Variants in FYB1 observed in about 807,000 individuals in gnomAD.
The protein encoded by FYB1 is FYN binding protein 1, also known as FYN-binding protein 1.
A neutral mutation model predicts 94.1 loss-of-function variants in FYB1; 41 were observed. The observed-to-expected ratio is 0.44, with a 90% CI of 0.34 to 0.57. FYB1 has a LOEUF of 0.57. Ranked by LOEUF, FYB1 falls within the 20% of genes least tolerant of loss-of-function variation. FYB1 has a pLI of 0.02. For synonymous variants in FYB1, 367 were observed against 353.2 expected, an observed-to-expected ratio of 1.04 and a Z score of -0.44; for missense variants, 1,050 against 976.8, an observed-to-expected ratio of 1.07 and a Z score of -1.00.
chr5:39,233,361 G>T (rs1750829253), intron 1 of FYB1, among the ~76,000 whole-genome samples: 1 of 152,036 alleles, frequency 6.6e-6, no homozygotes, highest in African/African-American at 2.4e-5. Flanking sequence ...AGTTCTATTG[G>T]CTTTATTCTT....
intron 1 of FYB1, among the ~76,000 whole-genome samples, chr5:39,215,132 T>C (rs1280258210): frequency 1.3e-5 from 2 of 152,324 alleles, no homozygotes; most frequent in South Asian, 4.1e-4. Context: ...ACAATGCGAA[T>C]GTATGTAATG....
chr5:39,158,732 G>A (rs926383679), intron 2 of FYB1, among the ~76,000 whole-genome samples: 3 of 152,068 alleles, frequency 2.0e-5, no homozygotes, highest in Non-Finnish European at 2.9e-5. Flanking sequence ...TTCATGTCCC[G>A]AGGGGCATAA....
At chr5:39,187,899 A>G (rs1424727033) in intron 2 of FYB1, among the ~76,000 whole-genome samples, 1 of 152,150 alleles carries the variant, frequency 6.6e-6, no homozygotes, top group East Asian at 1.9e-4. Context: ...ACTGTGTGGA[A>G]CAAACCTCAA....
chr5:39,209,204 C>T (rs896696544), intron 1 of FYB1, among the ~76,000 whole-genome samples: 1 of 152,174 alleles, frequency 6.6e-6, no homozygotes, highest in African/African-American at 2.4e-5. Context: ...TAAGAGTTAA[C>T]GGTTGCTGGC....
rs1203813673 is a variant in FYB1, at chr5:39,106,817, C to T, written c.*626G>A. The T allele has an allele frequency of 6.6e-6, 1 of 152,038 alleles. No individual in the cohort carries two copies. The highest frequency in any genetic ancestry group is 6.6e-5 in the Admixed American group (1 of 15,256). 9.4% of individuals were successfully genotyped at this position (152,038 alleles called of 1,614,324 possible). ...TTCAATGTGCATACTAAATGCATAA[C>T]ATTCGTATCAAATAATTAACATTTA... On this transcript the variant is annotated 3_prime_UTR_variant, in exon 19 of 19. Transcript: ENST00000512982.
chr5:39,191,773 AG>A (rs1279087588), intron 2 of FYB1, among the ~76,000 whole-genome samples: 1 of 152,212 alleles, frequency 6.6e-6, no homozygotes, highest in African/African-American at 2.4e-5. Flanking sequence ...TGGACTTTAA[AG>A]CCACGCCATA....
At chr5:39,134,150 A>G in intron 9 of FYB1, 58 bp downstream of exon 9, 4 of 1,358,548 alleles carry the variant, frequency 2.9e-6, no homozygotes, top group Non-Finnish European at 4.0e-6. Context: ...ATCTTAATAT[A>G]CAAAATTTCT....
intron 1 of FYB1, 112 bp from the exon 2 acceptor site, chr5:39,203,099 G>T: frequency 1.2e-6 from 1 of 853,870 alleles, no homozygotes; most frequent in Non-Finnish European, 1.8e-6. Flanking sequence ...GTTGCTGATT[G>T]GTTAGCAAGA....
At chr5:39,258,973 T>C (rs543356588) in intron 1 of FYB1, among the ~76,000 whole-genome samples, 1 of 152,222 alleles carries the variant, frequency 6.6e-6, no homozygotes, top group African/African-American at 2.4e-5. Context: ...GAGACATGCT[T>C]TTCCCTCCTC....
chr5:39,107,644 G>A (rs1487818462), intron 18 of FYB1, among the ~76,000 whole-genome samples, 179 bp from the exon 19 acceptor site: 2 of 151,774 alleles, frequency 1.3e-5, no homozygotes, highest in Non-Finnish European at 2.9e-5. Context: ...TTATTATTTA[G>A]TATATAATTC....
At chr5:39,269,877 T>A (rs1752598736) in intron 1 of FYB1, 1 of 152,170 alleles carries the variant, frequency 6.6e-6, no homozygotes, top group Non-Finnish European at 1.5e-5. Context: ...TGAGAGCATA[T>A]GAACACCACA....
At position 39,110,358 on chromosome 5, in the gene FYB1, G is replaced by T; in HGVS notation, c.2433C>A (p.Asp811Glu). 1 of 1,592,626 alleles carries T rather than the reference G, an allele frequency of 6.3e-7. No homozygotes were observed. The highest frequency in any genetic ancestry group is 1.1e-5 in the South Asian group (1 of 87,546). The change falls in exon 17 of 19, where the codon GAC (aspartate) becomes GAA (glutamate). Residue 811 changes from aspartate to glutamate, a missense_variant and splice_region_variant. Transcript: ENST00000512982. Reference sequence around the variant, plus strand: ...GTAGTAGAAGAAAATGGGCTTACTTGTCCGCTAGGTAACTCCGAAGGACAT... The same window carrying T: ...GTAGTAGAAGAAAATGGGCTTACTTTTCCGCTAGGTAACTCCGAAGGACAT... ...YGYVLRSYLA[D>E]NDGEIYDDIA... is the part of the protein sequence containing the mutation.
At chr5:39,239,908 C>A (rs948558116) in intron 1 of FYB1, among the ~76,000 whole-genome samples, 1 of 152,134 alleles carries the variant, frequency 6.6e-6, no homozygotes, top group Admixed American at 6.6e-5. Flanking sequence ...CAATTTCAAA[C>A]TATACTATAA....
chr5:39,137,001 G>A, intron 7 of FYB1, among the ~76,000 whole-genome samples: 1 of 152,080 alleles, frequency 6.6e-6, no homozygotes, highest in East Asian at 1.9e-4. Flanking sequence ...GTTTACTGGT[G>A]GTAGTAATGG....
Position 39,242,080 on chromosome 5 carries a change from T to C in FYB1, c.-28+32323A>G, listed in dbSNP as rs1374264290. ...AATCACTATTTTTTTTCCCTCTCAG[T>C]TGAAACAAAGCCAACTTTTAGATAG... On this transcript the variant is annotated intron_variant, in intron 1 of 1. Coordinates refer to the FYB1 transcript ENST00000510188. 3.9e-5 allele frequency among the ~76,000 whole-genome samples: 6 copies of C among 152,172 alleles called. No individual in the cohort carries two copies. The South Asian group carries it at 1.0e-3, about 26-fold the overall frequency.
At chr5:39,205,295 C>CT (rs1450838619) in intron 1 of FYB1, among the ~76,000 whole-genome samples, 1 of 152,118 alleles carries the variant, frequency 6.6e-6, no homozygotes, top group Non-Finnish European at 1.5e-5. Flanking sequence ...ATCTTACTCG[C>CT]TATGTAACCT....
chr5:39,120,658 G>A (rs1740005960), intron 14 of FYB1, among the ~76,000 whole-genome samples: 2 of 152,112 alleles, frequency 1.3e-5, no homozygotes, highest in African/African-American at 4.8e-5. Flanking sequence ...GGATGGTAGG[G>A]AAGAGCTATA....
chr5:39,244,933 T>A (rs999901742), intron 1 of FYB1, among the ~76,000 whole-genome samples: 1 of 152,228 alleles, frequency 6.6e-6, no homozygotes, highest in Admixed American at 6.5e-5. Flanking sequence ...TGCATAGAGG[T>A]GATTATAGTA....
chr5:39,134,072 G>A (rs1741441429), intron 9 of FYB1, 136 bp downstream of exon 9: 1 of 581,566 alleles, frequency 1.7e-6, no homozygotes, highest in Non-Finnish European at 3.0e-6. Context: ...CCATGTTGGG[G>A]TTATTGTAAG....
Sources: allele counts gnomAD v4.1 joint callset (sites outside exome capture counted in the v4.1 genomes callset), GRCh38; gene constraint gnomAD v4.1.1; transcripts MANE v1.5; gene names NCBI Gene and HGNC (gene_info 2026-07-23, HGNC 2026-07-21).